Variants in OR52N4 observed in about 807,000 individuals in gnomAD.
OR52N4 encodes the protein olfactory receptor 52N4.
In OR52N4, 15 loss-of-function variants were observed where a neutral mutation model predicts 15.0. The ratio of observed to expected loss-of-function variants is 1.00; its 90% CI spans 0.67 to 1.54. The LOEUF (loss-of-function observed/expected upper bound fraction) is 1.54. OR52N4 is among the 40% of genes most tolerant of loss of function. The pLI is 0.00. For synonymous variants in OR52N4, 143 were observed against 143.7 expected, an observed-to-expected ratio of 1.00 and a Z score of 0.03; for missense variants, 421 against 394.0, an observed-to-expected ratio of 1.07 and a Z score of -0.58.
At chr11:5,738,602 T>C in the OR52N4 span, 1 of 152,118 alleles carries the variant, frequency 6.6e-6, no homozygotes. Context: ...CCAGCATCTA[T>C]CTCTACCATA....
At chr11:5,737,745 A>T in the OR52N4 span, 1 of 349,814 alleles carries the variant, frequency 2.9e-6, no homozygotes, top group Admixed American at 4.3e-5. Flanking sequence ...GAACTTAATG[A>T]TTGATATCTA....
the OR52N4 span, among the ~76,000 whole-genome samples, chr11:5,739,530 C>A: frequency 1.2e-4 from 12 of 99,412 alleles, 2 homozygotes; most frequent in Admixed American, 6.3e-4. Context: ...CCATTGCACT[C>A]CAACCTAGGT....
At chr11:5,733,919 T>C in the OR52N4 span, among the ~76,000 whole-genome samples, 1 of 152,198 alleles carries the variant, frequency 6.6e-6, no homozygotes, top group Non-Finnish European at 1.5e-5. Context: ...ATGTAAATTC[T>C]TAGGTTACAT....
chr11:5,745,148 G>A, the OR52N4 span, among the ~76,000 whole-genome samples: 1 of 152,056 alleles, frequency 6.6e-6, no homozygotes, highest in Non-Finnish European at 1.5e-5. Context: ...AGCCAAAGAT[G>A]CCCATGTTCA....
the OR52N4 span, chr11:5,736,692 G>C: frequency 6.2e-7 from 1 of 1,613,936 alleles, no homozygotes; most frequent in Non-Finnish European, 8.5e-7. Context: ...ATCATCATCT[G>C]GCAGAACCCT....
At chr11:5,730,231 GC>G in the OR52N4 span, among the ~76,000 whole-genome samples, 1 of 134,144 alleles carries the variant, frequency 7.5e-6, no homozygotes, top group African/African-American at 2.8e-5. Context: ...TCACTCTGGT[GC>G]CCAGGATGGA....
the OR52N4 span, among the ~76,000 whole-genome samples, chr11:5,739,730 T>C: frequency 4.7e-5 from 6 of 128,374 alleles, no homozygotes; most frequent in African/African-American, 1.7e-4. Context: ...CTGATATAAG[T>C]AGCATTGTTG....
the OR52N4 span, among the ~76,000 whole-genome samples, chr11:5,729,971 C>T: frequency 6.6e-6 from 1 of 152,076 alleles, no homozygotes; most frequent in South Asian, 2.1e-4. Context: ...TTGGATGTCT[C>T]CTGTTTATAA....
At chr11:5,736,325 T>G in the OR52N4 span, 1 of 586,608 alleles carries the variant, frequency 1.7e-6, no homozygotes, top group South Asian at 2.1e-5. Flanking sequence ...TATTATTAGT[T>G]AATAAACCTC....
At chr11:5,729,670 T>C in the OR52N4 span, among the ~76,000 whole-genome samples, 2 of 152,230 alleles carry the variant, frequency 1.3e-5, no homozygotes, top group African/African-American at 4.8e-5. Context: ...ATCTCAATGC[T>C]AGATGTCTAT....
the OR52N4 span, among the ~76,000 whole-genome samples, chr11:5,742,070 C>A: frequency 6.6e-6 from 1 of 150,666 alleles, no homozygotes; most frequent in Non-Finnish European, 1.5e-5. Context: ...AGACTGAAGT[C>A]GGGTTTTTAA....
the OR52N4 span, among the ~76,000 whole-genome samples, chr11:5,747,797 CAAGT>C: frequency 5.3e-5 from 8 of 152,066 alleles, no homozygotes; most frequent in South Asian, 6.2e-4. Flanking sequence ...GAAAATACTA[CAAGT>C]AACTACTGTC....
chr11:5,744,724 C>A, the OR52N4 span, among the ~76,000 whole-genome samples: 1 of 152,004 alleles, frequency 6.6e-6, no homozygotes, highest in African/African-American at 2.4e-5. Context: ...ACCAGCCTGG[C>A]CACCATGGCG....
chr11:5,730,469 G>A, the OR52N4 span, among the ~76,000 whole-genome samples: 3 of 151,768 alleles, frequency 2.0e-5, no homozygotes, highest in South Asian at 6.2e-4. Context: ...GGGATTACAG[G>A]CGTGAGCCAC....
At chr11:5,733,012 CT>C in the OR52N4 span, among the ~76,000 whole-genome samples, 1 of 152,080 alleles carries the variant, frequency 6.6e-6, no homozygotes, top group African/African-American at 2.4e-5. Flanking sequence ...TCCAGTATAA[CT>C]TCTATATCCA....
At chr11:5,731,929 T>C in the OR52N4 span, among the ~76,000 whole-genome samples, 1 of 152,188 alleles carries the variant, frequency 6.6e-6, no homozygotes, top group African/African-American at 2.4e-5. Flanking sequence ...AATTGACTAA[T>C]ATATATAAGG....
Position 5,755,165 on chromosome 11 carries a change from T to C in OR52N4, c.425T>C (p.Val142Ala), listed in dbSNP as rs1854277578. 6.2e-7 allele frequency: 1 copy of C among 1,613,946 alleles called. No homozygotes were observed. The highest frequency in any genetic ancestry group is 8.5e-7 in the Non-Finnish European group (1 of 1,179,980). ...LRYSTILTNP[V>A]IAKVGTATFL... ...TATTCAACTATCCTCACCAATCCTG[T>C]AATTGCAAAGGTTGGGACTGCCACC... Residue 142 changes from valine to alanine, a missense_variant, in exon 2 of 2, where the codon GTA (valine) becomes GCA (alanine). Coordinates refer to ENST00000641350, the MANE Select transcript of OR52N4 (RefSeq NM_001005175.5).
chr11:5,750,507 A>G (rs1854167130), upstream of OR52N4, among the ~76,000 whole-genome samples: 1 of 152,026 alleles, frequency 6.6e-6, no homozygotes, highest in Non-Finnish European at 1.5e-5. Flanking sequence ...AATATATTAA[A>G]GTGAGATGGA....
At chr11:5,745,071 C>G in the OR52N4 span, among the ~76,000 whole-genome samples, 2 of 138,118 alleles carry the variant, frequency 1.4e-5, no homozygotes, top group Non-Finnish European at 3.3e-5. Context: ...CCATATACAT[C>G]AAACCAACAG....
Sources: gnomAD v4.1 joint callset for allele counts (sites outside exome capture counted in the v4.1 genomes callset) on GRCh38, gnomAD v4.1.1 for gene constraint, MANE v1.5 for transcripts, NCBI Gene and HGNC (gene_info 2026-07-23, HGNC 2026-07-21) for gene names.